Variants in FER observed in about 807,000 individuals in gnomAD.
FER encodes the protein tyrosine-protein kinase Fer.
Under a neutral mutation model 111.0 loss-of-function variants are expected in FER, and 63 were observed. The ratio of observed to expected loss-of-function variants is 0.57; its 90% confidence interval spans 0.46 to 0.70. The LOEUF (loss-of-function observed/expected upper bound fraction) is 0.70, where lower values mean the gene tolerates loss of function less well. Among genes scored for constraint, FER ranks in the 30% least tolerant of loss-of-function variants. FER has a pLI of 0.00. For synonymous variants in FER, 327 were observed against 313.9 expected (o/e 1.04, Z -0.44); for missense variants, 914 against 954.0 (o/e 0.96, Z 0.55).
chr5:108,954,619 A>G lies in FER; in HGVS notation c.1330-110A>G, dbSNP rs570031430. ...TTTATTGTATAACTTTTAATTGGTC[A>G]ATTAAAGGGAGGAACATTTGTAAGA... is the stretch of plus-strand genomic sequence containing the variant. On this transcript the variant is annotated intron_variant, in intron 11 of 19. Coordinates refer to ENST00000281092, the MANE Select transcript of FER (RefSeq NM_005246.4). The G allele has an allele frequency of 8.2e-4, 667 of 811,198 alleles. 2 individuals carry two copies. Among genetic ancestry groups the G allele is most frequent in the Non-Finnish European group, 1.1e-3 (595 of 548,018 alleles). The allele number at this position is 811,198 out of a possible 1,614,324, so 50.3% of individuals were successfully genotyped here. A position where few individuals can be genotyped will look rare whatever the true frequency, so the allele number is the denominator to read the frequency against.
At chr5:109,179,594 C>A (rs1758063625) in intron 17 of FER, among the ~76,000 whole-genome samples, 2 of 152,138 alleles carry the variant, frequency 1.3e-5, no homozygotes, top group Admixed American at 6.5e-5. Context: ...AGTTCCACAT[C>A]TGTGGATTCA....
At chr5:109,030,534 GGT>G (rs1020335995) in intron 13 of FER, among the ~76,000 whole-genome samples, 89 of 152,196 alleles carry the variant, frequency 5.8e-4, no homozygotes, top group African/African-American at 2.1e-3. Context: ...GAGCTTTTTT[GGT>G]GTTATTTTGT....
intron 14 of FER, among the ~76,000 whole-genome samples, chr5:109,042,448 C>G (rs189481406): frequency 5.1e-4 from 77 of 152,286 alleles, no homozygotes; most frequent in Middle Eastern, 3.4e-3. Flanking sequence ...TGAGCTTCCT[C>G]CTCACCTCTT....
chr5:108,969,243 G>A (rs915681152), intron 13 of FER, among the ~76,000 whole-genome samples: 4 of 152,108 alleles, frequency 2.6e-5, no homozygotes, highest in African/African-American at 9.7e-5. Flanking sequence ...AGTCACTGCA[G>A]CATTGTTTGT....
chr5:108,793,499 C>G (rs1402399360), intron 2 of FER, among the ~76,000 whole-genome samples: 1 of 130,056 alleles, frequency 7.7e-6, no homozygotes, highest in South Asian at 2.5e-4. Flanking sequence ...ATACTGATAT[C>G]TATTTTTTTT....
At chr5:108,840,548 C>A (rs1008597704) in intron 5 of FER, among the ~76,000 whole-genome samples, 2 of 151,390 alleles carry the variant, frequency 1.3e-5, no homozygotes. Context: ...TTCTGGAGTC[C>A]AGTTTTCTTG....
At chr5:109,005,368 CGTGTGTGT>C (rs34553897) in intron 13 of FER, among the ~76,000 whole-genome samples, 2 of 149,714 alleles carry the variant, frequency 1.3e-5, no homozygotes, top group East Asian at 2.0e-4. Flanking sequence ...AAAACTATCC[CGTGTGTGT>C]GTGTGTGTGT....
At chr5:108,800,247 A>C (rs141267271) in intron 3 of FER, among the ~76,000 whole-genome samples, 165 of 152,222 alleles carry the variant, frequency 1.1e-3, no homozygotes, top group African/African-American at 3.8e-3. Context: ...CTTATTTGCC[A>C]TTGTCACATA....
chr5:108,852,108 G>A (rs571817259), intron 5 of FER, among the ~76,000 whole-genome samples: 9 of 152,282 alleles, frequency 5.9e-5, no homozygotes, highest in Non-Finnish European at 1.0e-4. Flanking sequence ...TTTATAAGCC[G>A]TCATTTACCC....
intron 16 of FER, among the ~76,000 whole-genome samples, chr5:109,066,671 A>AT (rs1775127716): frequency 6.6e-6 from 1 of 152,150 alleles, no homozygotes; most frequent in Non-Finnish European, 1.5e-5. Flanking sequence ...AAACCTAGAA[A>AT]TACACCTGTT....
At chr5:109,076,555 A>G (rs1426899549) in intron 16 of FER, among the ~76,000 whole-genome samples, 1 of 151,964 alleles carries the variant, frequency 6.6e-6, no homozygotes, top group Non-Finnish European at 1.5e-5. Flanking sequence ...TTCCCACCTC[A>G]GCCTCTCAAG....
In FER at chr5:108,954,734, T is replaced by C. The variant is rs771923269; in HGVS notation, c.1335T>C (p.Ser445=). 1 of 1,557,644 alleles carries C rather than the reference T, an allele frequency of 6.4e-7. No homozygotes were observed. The highest frequency in any genetic ancestry group is 1.3e-5 in the South Asian group (1 of 78,374). The change falls in exon 12 of 20, where the codon TCT becomes TCC. Residue 445 remains serine (S), a synonymous_variant. Transcript: ENST00000281092. ...TTTTTTAATATTTGTTTAAGCTTTC[T>C]GATATGATCTCCATCAGTGAGAAGC... ...PKSALGSSAL[S]DMISISEKPL...
intron 19 of FER, 87 bp from the exon 20 acceptor site, chr5:109,187,346 A>AAAGTT: frequency 2.1e-6 from 3 of 1,404,762 alleles, no homozygotes; most frequent in Non-Finnish European, 1.9e-6. Flanking sequence ...TAAGGTACCA[A>AAAGTT]AAGTTAATAA....
At chr5:109,099,742 A>C (rs1747991632) in intron 16 of FER, among the ~76,000 whole-genome samples, 2 of 151,628 alleles carry the variant, frequency 1.3e-5, no homozygotes, top group Non-Finnish European at 3.0e-5. Context: ...TCAAATTACT[A>C]CTTAGCTCAT....
At chr5:108,870,518 G>A (rs956725042) in intron 6 of FER, among the ~76,000 whole-genome samples, 2 of 151,806 alleles carry the variant, frequency 1.3e-5, no homozygotes, top group African/African-American at 4.8e-5. Context: ...AACTAGCATT[G>A]CCTGAAACAA....
intron 5 of FER, among the ~76,000 whole-genome samples, chr5:108,858,250 C>T (rs1054837050): frequency 1.3e-5 from 2 of 152,188 alleles, no homozygotes; most frequent in Admixed American, 1.3e-4. Flanking sequence ...CAGTGAGAAA[C>T]CTAGCTTCTG....
At chr5:108,941,793 G>A (rs1052404582) in intron 10 of FER, among the ~76,000 whole-genome samples, 3 of 152,146 alleles carry the variant, frequency 2.0e-5, no homozygotes, top group Non-Finnish European at 4.4e-5. Context: ...ACGTATTTTG[G>A]TGAAGGATGG....
intron 4 of FER, among the ~76,000 whole-genome samples, chr5:108,833,627 C>G (rs929538215): frequency 2.0e-5 from 3 of 152,080 alleles, no homozygotes; most frequent in African/African-American, 7.2e-5. Flanking sequence ...GTAATCCCAG[C>G]ACTTTGGGAG....
In FER at chr5:108,751,298, G is replaced by A. The variant is rs184343473; in HGVS notation, c.-206+3298G>A. ...TATACACACCACCAAATTATAAGGTGCTTATTTTTGTTTGTGAGTGGGAAT... is the reference window on the plus strand; with the variant it reads ...TATACACACCACCAAATTATAAGGTACTTATTTTTGTTTGTGAGTGGGAAT... On this transcript the variant is annotated intron_variant, in intron 1 of 19. Transcript: ENST00000281092. 3.9e-5 allele frequency among the ~76,000 whole-genome samples: 6 copies of A among 152,086 alleles called. No homozygotes were observed. The East Asian group carries it at 1.2e-3, about 29-fold the overall frequency.
Sources: gnomAD v4.1 joint callset for allele counts (sites outside exome capture counted in the v4.1 genomes callset) on GRCh38, gnomAD v4.1.1 for gene constraint, MANE v1.5 for transcripts, NCBI Gene and HGNC (gene_info 2026-07-23, HGNC 2026-07-21) for gene names.